The following SH3GLB1 variants were observed in gnomAD, a reference collection of about 807,000 sequenced individuals.
SH3GLB1 encodes endophilin-B1.
Under a neutral mutation model 42.0 loss-of-function variants are expected in SH3GLB1, and 17 were observed. That is an observed-to-expected ratio of 0.40 (90% CI 0.28 to 0.61). The LOEUF (loss-of-function observed/expected upper bound fraction) is 0.61. SH3GLB1 is among the 20% of genes least tolerant of loss of function. The pLI is 0.36. For synonymous variants in SH3GLB1, 132 were observed against 146.6 expected (o/e 0.90, Z 0.72); for missense variants, 355 against 426.3 (o/e 0.83, Z 1.47).
chr1:86,716,657 C>T (rs894263723), intron 2 of SH3GLB1, among the ~76,000 whole-genome samples: 4 of 152,168 alleles, frequency 2.6e-5, no homozygotes, highest in Admixed American at 6.5e-5. Flanking sequence ...TCAGATAAGT[C>T]AACTCAATAA....
intron 1 of SH3GLB1, among the ~76,000 whole-genome samples, chr1:86,708,201 T>G (rs574248687): frequency 5.0e-4 from 76 of 152,352 alleles, no homozygotes; most frequent in African/African-American, 1.8e-3. Flanking sequence ...CTTTCTCATC[T>G]CAGTATTTAT....
At chr1:86,741,169 C>T (rs930032761) in intron 7 of SH3GLB1, among the ~76,000 whole-genome samples, 3 of 152,098 alleles carry the variant, frequency 2.0e-5, no homozygotes, top group South Asian at 2.1e-4. Context: ...GGGAGATAAA[C>T]GCTAGCACTG....
At chr1:86,728,652 G>T (rs182385720) in intron 5 of SH3GLB1, among the ~76,000 whole-genome samples, 24 of 152,182 alleles carry the variant, frequency 1.6e-4, no homozygotes, top group Admixed American at 1.4e-3. Context: ...AACTTTAAAA[G>T]AAATTGTATG....
chr1:86,747,608 C>T lies in SH3GLB1; in HGVS notation c.*4373C>T, dbSNP rs1468954624. On this transcript the variant is annotated 3_prime_UTR_variant, in exon 9 of 9. Transcript: ENST00000370558. ...GGAAGTATTGCTTAGAATGCCAGTA[C>T]TTGTTTGCTGTGGAAGGTTTCTAGG... is the stretch of plus-strand genomic sequence containing the variant. The T allele has an allele frequency of 6.6e-6, 1 of 152,190 alleles. No individual in the cohort carries two copies. The highest frequency in any genetic ancestry group is 2.4e-5 in the African/African-American group (1 of 41,448). 9.4% of individuals were successfully genotyped at this position (152,190 alleles called of 1,614,324 possible). A position where few individuals can be genotyped will look rare whatever the true frequency, so the allele number is the denominator to read the frequency against.
chr1:86,740,256 G>A (rs2101987672), intron 7 of SH3GLB1, among the ~76,000 whole-genome samples: 1 of 152,250 alleles, frequency 6.6e-6, no homozygotes, highest in East Asian at 1.9e-4. Context: ...CTGAAATTTT[G>A]AGGATGGGCA....
rs554964543 is a variant in SH3GLB1 at position 86,748,122 on chromosome 1, T to G, written c.*4887T>G. ...GATATTCCATCATATGTGCCACATT[T>G]TATTAAACTACTGTTCAATTTTTAG... On this transcript the variant is annotated 3_prime_UTR_variant, in exon 9 of 9. Transcript: ENST00000370558. 4.6e-5 allele frequency: 7 copies of G among 151,470 alleles called. No individual in the cohort carries two copies. The highest frequency in any genetic ancestry group is 7.3e-5 in the Non-Finnish European group (5 of 68,042). 9.4% of individuals were successfully genotyped at this position (151,470 alleles called of 1,614,324 possible).
At chr1:86,724,547 TC>T (rs1655049471) in intron 5 of SH3GLB1, 142 bp downstream of exon 5, 4 of 662,898 alleles carry the variant, frequency 6.0e-6, no homozygotes, top group Non-Finnish European at 1.0e-5. Flanking sequence ...ACTTAATACA[TC>T]CAAATCACTG....
intron 3 of SH3GLB1, 42 bp downstream of exon 3, chr1:86,719,677 G>T (rs1365826014): frequency 6.3e-7 from 1 of 1,591,272 alleles, no homozygotes; most frequent in African/African-American, 1.4e-5. Context: ...ATATCTTTAT[G>T]TTTAGATTTA....
At chr1:86,705,851 A>G (rs1653833835) in intron 1 of SH3GLB1, among the ~76,000 whole-genome samples, 2 of 152,248 alleles carry the variant, frequency 1.3e-5, no homozygotes, top group African/African-American at 4.8e-5. Flanking sequence ...CGGTCACGGT[A>G]GCAACAACAT....
At chr1:86,735,269 G>A in intron 7 of SH3GLB1, 90 bp downstream of exon 7, 1 of 761,876 alleles carries the variant, frequency 1.3e-6, no homozygotes, top group South Asian at 1.7e-5. Flanking sequence ...GCAATTAAAG[G>A]TTCTTACTAG....
At chr1:86,706,152 A>C (rs1309153907) in intron 1 of SH3GLB1, among the ~76,000 whole-genome samples, 1 of 152,206 alleles carries the variant, frequency 6.6e-6, no homozygotes, top group East Asian at 1.9e-4. Context: ...CCTTTTATAT[A>C]TGTGAGGAAG....
chr1:86,730,202 A>AG, intron 5 of SH3GLB1: 2 of 1,518,100 alleles, frequency 1.3e-6, no homozygotes, highest in Non-Finnish European at 1.8e-6. Context: ...CCATGGGTCC[A>AG]GTCACAGTCT....
At chr1:86,739,330 C>T (rs968382222) in intron 7 of SH3GLB1, among the ~76,000 whole-genome samples, 1 of 152,042 alleles carries the variant, frequency 6.6e-6, no homozygotes, top group Non-Finnish European at 1.5e-5. Flanking sequence ...AAGATGATAA[C>T]GAGTGAGGCA....
chr1:86,705,947 CT>C (rs1558285439), intron 1 of SH3GLB1, among the ~76,000 whole-genome samples: 2 of 152,192 alleles, frequency 1.3e-5, no homozygotes, highest in Non-Finnish European at 2.9e-5. Context: ...TGTGGCTTTA[CT>C]ACTTTCCTTG....
At position 86,724,874 on chromosome 1, in the gene SH3GLB1, T is replaced by TA. The variant is rs1165438979; in HGVS notation, c.570+488dup. Among the ~76,000 whole-genome samples the TA allele has an allele frequency of 9.9e-3, 966 of 97,850 alleles. 14 individuals carry two copies. Among genetic ancestry groups the TA allele is most frequent in the Non-Finnish European group, 0.012 (630 of 51,930 alleles). The allele number at this position is 97,850 out of a possible 152,430, so 64.2% of individuals were successfully genotyped here. A position where few individuals can be genotyped will look rare whatever the true frequency, so the allele number is the denominator to read the frequency against. On this transcript the variant is annotated intron_variant, in intron 5 of 8. Coordinates refer to ENST00000370558, the MANE Select transcript of SH3GLB1 (RefSeq NM_016009.5). Reference sequence around the variant, plus strand: ...GGGCAACAGAGCCAGACCCTGTCTTTAAAAAAAAAAAAAAAAAAATATATA... The same window carrying TA: ...GGGCAACAGAGCCAGACCCTGTCTTTAAAAAAAAAAAAAAAAAAAATATATA...
intron 5 of SH3GLB1, among the ~76,000 whole-genome samples, chr1:86,730,837 C>T (rs149530494): frequency 1.4e-3 from 212 of 152,276 alleles, no homozygotes; most frequent in Non-Finnish European, 2.2e-3. Flanking sequence ...AGCTTGTTCT[C>T]TCCAGCACCA....
At chr1:86,711,179 T>G (rs1004535545) in intron 1 of SH3GLB1, among the ~76,000 whole-genome samples, 2 of 152,186 alleles carry the variant, frequency 1.3e-5, no homozygotes, top group Admixed American at 6.5e-5. Flanking sequence ...TACTGGTGAT[T>G]AGAGTTTGCA....
chr1:86,730,179 A>G (rs74097428), intron 5 of SH3GLB1: 23,863 of 1,540,680 alleles, frequency 0.015, 248 homozygotes, highest in African/African-American at 0.031. Flanking sequence ...GTAAATATGT[A>G]TTGGGCAACA....
At position 86,715,739 on chromosome 1, in the gene SH3GLB1, C is replaced by T; in HGVS notation, c.88C>T (p.Leu30Phe). ...SRAVQFTEEK[L>F]GQAEKTELDA... ...TCAATAACAGTTCACAGAAGAAAAG[C>T]TTGGCCAGGCTGAGAAGACAGAATT... Residue 30 changes from leucine to phenylalanine, a missense_variant, in exon 2 of 9, where the codon CTT becomes TTT. By Grantham distance (22) the Leu-to-Phe change is conservative (BLOSUM62 0). Coordinates refer to ENST00000370558, the MANE Select transcript of SH3GLB1 (RefSeq NM_016009.5). 1.3e-6 allele frequency: 2 copies of T among 1,599,016 alleles called. No homozygotes were observed. The highest frequency in any genetic ancestry group is 1.7e-6 in the Non-Finnish European group (2 of 1,176,636).
Sources: gnomAD v4.1 joint callset for allele counts (sites outside exome capture counted in the v4.1 genomes callset) on GRCh38, gnomAD v4.1.1 for gene constraint, MANE v1.5 for transcripts, NCBI Gene and HGNC (gene_info 2026-07-23, HGNC 2026-07-21) for gene names.